The following TGFA variants were observed in gnomAD, a reference collection of about 807,000 sequenced individuals.
The protein encoded by TGFA is transforming growth factor alpha.
Under a neutral mutation model 21.7 loss-of-function variants are expected in TGFA, and 12 were observed. The ratio of observed to expected loss-of-function variants is 0.55; its 90% CI spans 0.35 to 0.90. The LOEUF (loss-of-function observed/expected upper bound fraction) is 0.90. Ranked by LOEUF, TGFA falls within the 40% of genes least tolerant of loss-of-function variation. The probability of loss-of-function intolerance (pLI) is 0.01; values close to 1 mark genes in which losing one functional copy is unlikely to be tolerated. For missense variants in TGFA, 178 were observed against 210.8 expected, an observed-to-expected ratio of 0.84 and a Z score of 0.96; for synonymous variants, 79 against 88.1, an observed-to-expected ratio of 0.90 and a Z score of 0.58.
At position 70,511,397 on chromosome 2, in the gene TGFA, G is replaced by A. The variant is rs552869054; in HGVS notation, c.94+3462C>T. On this transcript the variant is annotated intron_variant, in intron 2 of 5. Coordinates refer to ENST00000295400, the MANE Select transcript of TGFA (RefSeq NM_003236.4). The stretch of plus-strand genomic sequence containing the variant: ...GGAGCCCACCAGCATCCAGAGCATT[G>A]GGAGTTAGGGGCACTCAGATGTGAA... 2.0e-5 allele frequency among the ~76,000 whole-genome samples: 3 copies of A among 152,274 alleles called. No individual in the cohort carries two copies. In the South Asian group the frequency reaches 6.2e-4, roughly 32 times the overall value.
At chr2:70,463,368 G>A (rs1173675709) in intron 3 of TGFA, among the ~76,000 whole-genome samples, 2 of 152,194 alleles carry the variant, frequency 1.3e-5, no homozygotes, top group Non-Finnish European at 2.9e-5. Flanking sequence ...AAGTGTAAGG[G>A]TGTGTGAATG....
chr2:70,527,565 A>G (rs1398226608), intron 1 of TGFA, among the ~76,000 whole-genome samples: 1 of 152,246 alleles, frequency 6.6e-6, no homozygotes, highest in Non-Finnish European at 1.5e-5. Context: ...ATGTACAACT[A>G]CAAGAGTGAG....
chr2:70,507,041 C>G (rs1355784023), intron 2 of TGFA, among the ~76,000 whole-genome samples: 1 of 152,244 alleles, frequency 6.6e-6, no homozygotes, highest in South Asian at 2.1e-4. Flanking sequence ...CTCATCCAGA[C>G]AGCAAAGGTC....
intron 1 of TGFA, among the ~76,000 whole-genome samples, chr2:70,535,551 C>T (rs1553504260): frequency 1.3e-5 from 2 of 152,194 alleles, no homozygotes; most frequent in African/African-American, 4.8e-5. Context: ...TACATTAGGC[C>T]TAGTTCACAA....
chr2:70,460,978 ATTAAT>A (rs1176979344), intron 3 of TGFA, among the ~76,000 whole-genome samples: 1 of 152,126 alleles, frequency 6.6e-6, no homozygotes, highest in African/African-American at 2.4e-5. Context: ...ATTTTAATCA[ATTAAT>A]TTAAGTAGTC....
In TGFA at chr2:70,518,186, G is replaced by A. The variant is rs576762278; in HGVS notation, c.41-3274C>T. 6.6e-5 allele frequency among the ~76,000 whole-genome samples: 10 copies of A among 152,334 alleles called. No homozygotes were observed. The South Asian group carries it at 1.9e-3, about 28-fold the overall frequency. ...AGGTCCTTGCCCGCCGCAGGCCCTC[G>A]GGACAGGAAGGCTTCTAGGAATCCC... On this transcript the variant is annotated intron_variant, in intron 1 of 5. Coordinates refer to ENST00000295400, the MANE Select transcript of TGFA (RefSeq NM_003236.4).
At chr2:70,497,970 G>T (rs527555095) in intron 2 of TGFA, among the ~76,000 whole-genome samples, 3 of 152,304 alleles carry the variant, frequency 2.0e-5, no homozygotes, top group African/African-American at 7.2e-5. Flanking sequence ...GCTTATTCCA[G>T]CATTAACTCT....
intron 2 of TGFA, among the ~76,000 whole-genome samples, chr2:70,514,417 AT>A (rs1308022793): frequency 7.0e-6 from 1 of 142,142 alleles, no homozygotes; most frequent in Admixed American, 6.9e-5. Flanking sequence ...ATAAAAAAAA[AT>A]ACCGATTTTT....
chr2:70,495,689 T>C (rs1450272855), intron 2 of TGFA, among the ~76,000 whole-genome samples: 1 of 152,216 alleles, frequency 6.6e-6, no homozygotes, highest in Admixed American at 6.5e-5. Context: ...ATATTTTTTA[T>C]TGTTACTATG....
intron 3 of TGFA, among the ~76,000 whole-genome samples, chr2:70,458,206 C>T (rs535945542): frequency 5.9e-5 from 9 of 152,088 alleles, no homozygotes; most frequent in Non-Finnish European, 1.2e-4. Flanking sequence ...TCCTATGAGG[C>T]GGAGGCGAAG....
chr2:70,530,452 A>G (rs1553503594), intron 1 of TGFA, among the ~76,000 whole-genome samples: 1 of 152,248 alleles, frequency 6.6e-6, no homozygotes, highest in African/African-American at 2.4e-5. Flanking sequence ...AAGAAGAAGA[A>G]TAAGAACACA....
intron 2 of TGFA, among the ~76,000 whole-genome samples, chr2:70,513,295 G>A (rs945909149): frequency 1.1e-4 from 16 of 152,292 alleles, no homozygotes; most frequent in African/African-American, 3.8e-4. Context: ...TGGGGCAAGT[G>A]CATTCTAGAA....
Position 70,450,828 on chromosome 2 carries a change from T to G in TGFA, c.*31A>C. ...GCCTTTCTTTATTGATCTGCCACAG[T>G]CCACCTGGCCAAACTCCTCCTCTGG... On this transcript the variant is annotated 3_prime_UTR_variant, in exon 6 of 6. Transcript: ENST00000295400. 6.2e-7 allele frequency: 1 copy of G among 1,608,196 alleles called. No individual in the cohort carries two copies. Among genetic ancestry groups the G allele is most frequent in the Non-Finnish European group, 8.5e-7 (1 of 1,176,968 alleles).
At chr2:70,455,458 TCCA>T (rs1346005312) in intron 4 of TGFA, among the ~76,000 whole-genome samples, 1 of 152,196 alleles carries the variant, frequency 6.6e-6, no homozygotes, top group Non-Finnish European at 1.5e-5. Context: ...ACTGACTGTC[TCCA>T]CCATGAGTTA....
At chr2:70,536,144 C>A (rs1171766027) in intron 1 of TGFA, among the ~76,000 whole-genome samples, 3 of 152,144 alleles carry the variant, frequency 2.0e-5, no homozygotes, top group Non-Finnish European at 4.4e-5. Flanking sequence ...TTAGAGAAGA[C>A]CTTTATTGAG....
chr2:70,488,756 T>A (rs1377673388), intron 2 of TGFA, among the ~76,000 whole-genome samples: 1 of 152,234 alleles, frequency 6.6e-6, no homozygotes, highest in Admixed American at 6.5e-5. Flanking sequence ...ATACATCAAG[T>A]TAGAGATAAC....
chr2:70,493,404 T>C (rs545042054), intron 2 of TGFA, among the ~76,000 whole-genome samples: 2 of 152,286 alleles, frequency 1.3e-5, no homozygotes, highest in Admixed American at 1.3e-4. Flanking sequence ...GATTTTAGCA[T>C]AGGAGTCTGG....
intron 1 of TGFA, among the ~76,000 whole-genome samples, chr2:70,517,080 C>T (rs545979301): frequency 6.6e-6 from 1 of 152,350 alleles, no homozygotes; most frequent in East Asian, 1.9e-4. Flanking sequence ...CAATGGGGGC[C>T]TGCTCCCCAG....
intron 2 of TGFA, among the ~76,000 whole-genome samples, chr2:70,475,854 C>A (rs895358807): frequency 1.3e-5 from 2 of 151,954 alleles, no homozygotes; most frequent in Admixed American, 6.6e-5. Context: ...CTACCTCCCC[C>A]AAAAGGCACA....
Sources: allele counts gnomAD v4.1 joint callset (sites outside exome capture counted in the v4.1 genomes callset), GRCh38; gene constraint gnomAD v4.1.1; transcripts MANE v1.5; gene names NCBI Gene and HGNC (gene_info 2026-07-23, HGNC 2026-07-21).